CYP7B1: variants seen among roughly 807,000 people sequenced by gnomAD.
CYP7B1 encodes the protein cytochrome P450 7B1.
A neutral mutation model predicts 42.7 loss-of-function variants in CYP7B1; 29 were observed. That is an observed-to-expected ratio of 0.68 (90% CI 0.51 to 0.93). CYP7B1 has a LOEUF of 0.93. CYP7B1 is among the 40% of genes least tolerant of loss of function. The probability of loss-of-function intolerance (pLI) is 0.00; values close to 1 mark genes in which losing one functional copy is unlikely to be tolerated. For synonymous variants in CYP7B1, 235 were observed against 218.2 expected, an observed-to-expected ratio of 1.08 and a Z score of -0.68; for missense variants, 655 against 600.5, an observed-to-expected ratio of 1.09 and a Z score of -0.95.
intron 1 of CYP7B1, among the ~76,000 whole-genome samples, chr8:64,758,799 T>C (rs1044387150): frequency 2.0e-5 from 3 of 152,126 alleles, no homozygotes; most frequent in Non-Finnish European, 4.4e-5. Flanking sequence ...TGAACCAGAG[T>C]ACTGTTTCAA....
intron 1 of CYP7B1, among the ~76,000 whole-genome samples, chr8:64,775,526 C>A (rs949713145): frequency 6.6e-6 from 1 of 152,028 alleles, no homozygotes; most frequent in African/African-American, 2.4e-5. Context: ...TTGTTGATGA[C>A]CTACAATGTG....
intron 1 of CYP7B1, among the ~76,000 whole-genome samples, chr8:64,772,460 C>T (rs939110867): frequency 6.6e-6 from 1 of 152,210 alleles, no homozygotes; most frequent in African/African-American, 2.4e-5. Context: ...AAGAATCCTG[C>T]AGCCAATGGC....
In CYP7B1 at chr8:64,593,448, G is replaced by T; in HGVS notation, c.*3194C>A. Reference sequence around the variant, plus strand: ...AACAAAAAAATGAACCCCCAAATGTGTCCCCTGTCTATTCCTAATAAAATG... The same window carrying T: ...AACAAAAAAATGAACCCCCAAATGTTTCCCCTGTCTATTCCTAATAAAATG... On this transcript the variant is annotated 3_prime_UTR_variant, in exon 6 of 6. Transcript: ENST00000310193. Among the ~76,000 whole-genome samples the T allele has an allele frequency of 6.6e-6, 1 of 152,062 alleles. No individual in the cohort carries two copies. The highest frequency in any genetic ancestry group is 1.5e-5 in the Non-Finnish European group (1 of 68,016).
At chr8:64,765,091 CT>C (rs1807951154) in intron 1 of CYP7B1, among the ~76,000 whole-genome samples, 1 of 151,338 alleles carries the variant, frequency 6.6e-6, no homozygotes, top group Non-Finnish European at 1.5e-5. Context: ...GTTGTTTGTA[CT>C]CAGCCAAGAC....
chr8:64,662,207 C>T (rs1806208875), intron 1 of CYP7B1, among the ~76,000 whole-genome samples: 1 of 152,124 alleles, frequency 6.6e-6, no homozygotes, highest in African/African-American at 2.4e-5. Context: ...GTGGTATGCA[C>T]TTGTAGTCTC....
chr8:64,632,794 G>T (rs918686518), intron 1 of CYP7B1, among the ~76,000 whole-genome samples: 6 of 152,042 alleles, frequency 3.9e-5, no homozygotes, highest in African/African-American at 1.4e-4. Flanking sequence ...AGGCAATAAT[G>T]TCCCTCTCAT....
At chr8:64,649,318 T>C (rs1806002158) in intron 1 of CYP7B1, among the ~76,000 whole-genome samples, 1 of 152,252 alleles carries the variant, frequency 6.6e-6, no homozygotes, top group Non-Finnish European at 1.5e-5. Flanking sequence ...TATTTGTCTT[T>C]TTGTAACTGG....
chr8:64,725,227 C>T (rs1019104517), intron 1 of CYP7B1, among the ~76,000 whole-genome samples: 1 of 152,214 alleles, frequency 6.6e-6, no homozygotes, highest in East Asian at 1.9e-4. Context: ...TCCCAAGTCA[C>T]ATAAAATGTT....
At chr8:64,625,897 T>C (rs1046239475) in intron 1 of CYP7B1, among the ~76,000 whole-genome samples, 5 of 152,098 alleles carry the variant, frequency 3.3e-5, no homozygotes, top group Non-Finnish European at 2.9e-5. Flanking sequence ...TATTCTTATA[T>C]AATAAAGGTA....
At chr8:64,701,987 G>A (rs1806923254) in intron 1 of CYP7B1, among the ~76,000 whole-genome samples, 3 of 151,942 alleles carry the variant, frequency 2.0e-5, no homozygotes, top group Non-Finnish European at 4.4e-5. Context: ...CGACACAATG[G>A]CATTGAATTT....
At chr8:64,764,715 A>G (rs544370358) in intron 1 of CYP7B1, among the ~76,000 whole-genome samples, 1 of 152,336 alleles carries the variant, frequency 6.6e-6, no homozygotes, top group East Asian at 1.9e-4. Context: ...AAGTAGAAAA[A>G]TAACCTTTAG....
intron 1 of CYP7B1, among the ~76,000 whole-genome samples, chr8:64,782,577 C>G (rs996231082): frequency 1.7e-4 from 26 of 152,124 alleles, no homozygotes; most frequent in African/African-American, 6.3e-4. Flanking sequence ...CAAGACAGTG[C>G]CCCACATTAT....
At chr8:64,667,788 T>A (rs1478396473) in intron 1 of CYP7B1, among the ~76,000 whole-genome samples, 1 of 152,184 alleles carries the variant, frequency 6.6e-6, no homozygotes, top group East Asian at 1.9e-4. Flanking sequence ...GGTCTAGTCT[T>A]CTTTTTTTCT....
intron 1 of CYP7B1, among the ~76,000 whole-genome samples, chr8:64,771,467 T>C (rs770008025): frequency 6.6e-6 from 1 of 152,214 alleles, no homozygotes; most frequent in South Asian, 2.1e-4. Flanking sequence ...ACTTCTTTTT[T>C]TCTTTATATT....
At chr8:64,601,528 A>T (rs987410933) in intron 5 of CYP7B1, among the ~76,000 whole-genome samples, 1 of 152,166 alleles carries the variant, frequency 6.6e-6, no homozygotes, top group Admixed American at 6.5e-5. Flanking sequence ...GCAGAAAAGA[A>T]ATCATCACTA....
rs141111798 is a variant in CYP7B1 at position 64,684,006 on chromosome 8, C to G, written c.123-59467G>C. Among the ~76,000 whole-genome samples the G allele has an allele frequency of 1.3e-3, 205 of 152,300 alleles. 1 individual carries two copies. Among genetic ancestry groups the G allele is most frequent in the East Asian group, 6.4e-3 (33 of 5,184 alleles). ...ACTCCTTTCATTACCCCATCACACT[C>G]TCTCCCTTACCTTCATTCCTTTTCT... On this transcript the variant is annotated intron_variant, in intron 1 of 5. Coordinates refer to ENST00000310193, the MANE Select transcript of CYP7B1 (RefSeq NM_004820.5).
chr8:64,685,200 CG>C (rs1046072632), intron 1 of CYP7B1, among the ~76,000 whole-genome samples: 3 of 151,264 alleles, frequency 2.0e-5, no homozygotes, highest in Non-Finnish European at 4.4e-5. Context: ...GAGGAGCGGA[CG>C]GGCCCCGCGG....
At chr8:64,721,313 G>A (rs1266042037) in intron 1 of CYP7B1, among the ~76,000 whole-genome samples, 1 of 152,026 alleles carries the variant, frequency 6.6e-6, no homozygotes, top group Non-Finnish European at 1.5e-5. Context: ...AGCGTTAAGT[G>A]AATTCCTGGC....
chr8:64,635,624 A>C (rs1471562641), intron 1 of CYP7B1, among the ~76,000 whole-genome samples: 1 of 152,224 alleles, frequency 6.6e-6, no homozygotes, highest in Non-Finnish European at 1.5e-5. Flanking sequence ...AAGCACTTTT[A>C]ATCAAAGCTT....
Sources: gnomAD v4.1 joint callset for allele counts (sites outside exome capture counted in the v4.1 genomes callset) on GRCh38, gnomAD v4.1.1 for gene constraint, MANE v1.5 for transcripts, NCBI Gene and HGNC (gene_info 2026-07-23, HGNC 2026-07-21) for gene names.